Variants in ZNF235 observed in about 807,000 individuals in gnomAD.
ZNF235 encodes zfp-93.
In ZNF235, 25 loss-of-function variants were observed where a neutral mutation model predicts 29.4. The observed-to-expected ratio is 0.85, with a 90% CI of 0.62 to 1.19. ZNF235 has a LOEUF of 1.19. ZNF235 is among the 50% of genes most tolerant of loss of function. The probability of loss-of-function intolerance (pLI) is 0.00; values close to 1 mark genes in which losing one functional copy is unlikely to be tolerated. For synonymous variants in ZNF235, 300 were observed against 295.3 expected, an observed-to-expected ratio of 1.02 and a Z score of -0.16; for missense variants, 788 against 885.0, an observed-to-expected ratio of 0.89 and a Z score of 1.39.
At chr19:44,291,220 G>A (rs1395429291) in intron 4 of ZNF235, among the ~76,000 whole-genome samples, 1 of 152,122 alleles carries the variant, frequency 6.6e-6, no homozygotes, top group Non-Finnish European at 1.5e-5. Context: ...AACCACAACT[G>A]ATTTAAATCA....
chr19:44,304,974 C>G lies in ZNF235; in HGVS notation c.-52G>C, dbSNP rs1599896488. Reference sequence around the variant, plus strand: ...TGGAGACCCGGAGCTGACTCACCTCCCTGGGAGATATCTCAGATCCGACCT... The same window carrying G: ...TGGAGACCCGGAGCTGACTCACCTCGCTGGGAGATATCTCAGATCCGACCT... On this transcript the variant is annotated 5_prime_UTR_variant, in exon 1 of 5. Transcript: ENST00000291182. 1 of 982,232 alleles carries G rather than the reference C, an allele frequency of 1.0e-6. No homozygotes were observed. Among genetic ancestry groups the G allele is most frequent in the Non-Finnish European group, 1.2e-6 (1 of 827,112 alleles). The allele number at this position is 982,232 out of a possible 1,614,324, so 60.8% of individuals were successfully genotyped here. A position where few individuals can be genotyped will look rare whatever the true frequency, so the allele number is the denominator to read the frequency against.
chr19:44,299,314 G>A (rs1484423027), intron 3 of ZNF235, among the ~76,000 whole-genome samples: 1 of 152,140 alleles, frequency 6.6e-6, no homozygotes, highest in Non-Finnish European at 1.5e-5. Context: ...ACGAAATAAG[G>A]AATCAGGAGG....
intron 4 of ZNF235, 39 bp downstream of exon 4, chr19:44,298,769 A>C: frequency 7.2e-7 from 1 of 1,396,732 alleles, no homozygotes; most frequent in Non-Finnish European, 1.0e-6. Context: ...AAGGAAAAAT[A>C]ACAGCTGTTA....
chr19:44,289,335 C>G, intron 4 of ZNF235, 139 bp from the exon 5 acceptor site: 16 of 746,246 alleles, frequency 2.1e-5, no homozygotes, highest in Non-Finnish European at 3.3e-5. Context: ...TTTATAGGAA[C>G]TCTGAAAAGC....
At chr19:44,292,040 G>A (rs1048339362) in intron 4 of ZNF235, among the ~76,000 whole-genome samples, 1 of 151,886 alleles carries the variant, frequency 6.6e-6, no homozygotes, top group African/African-American at 2.4e-5. Context: ...TGTATAAAAA[G>A]GATAAATCAA....
At position 44,287,841 on chromosome 19, in the gene ZNF235, C is replaced by T; in HGVS notation, c.1594G>A (p.Ala532Thr). 1.2e-6 allele frequency: 2 copies of T among 1,612,616 alleles called. No homozygotes were observed. The highest frequency in any genetic ancestry group is 2.2e-5 in the South Asian group (2 of 91,000). The change falls in exon 5 of 5, where the codon GCA becomes ACA. Residue 532 changes from alanine to threonine, a missense_variant. Ala to Thr is a moderately conservative substitution (Grantham distance 58). Coordinates refer to ENST00000291182, the MANE Select transcript of ZNF235 (RefSeq NM_004234.4). Reference protein sequence around the residue: ...KGFSQSSYFQAHQRVHTGEKP... With the variant: ...KGFSQSSYFQTHQRVHTGEKP... ...TCTCCAGTGTGGACTCTCTGATGTG[C>T]TTGAAAGTATGAACTCTGACTGAAG...
intron 1 of ZNF235, among the ~76,000 whole-genome samples, chr19:44,304,233 G>A (rs1256956264): frequency 6.6e-6 from 1 of 152,122 alleles, no homozygotes; most frequent in African/African-American, 2.4e-5. Context: ...AAGAAATGGT[G>A]TTACACTTAA....
intron 2 of ZNF235, among the ~76,000 whole-genome samples, chr19:44,301,715 C>A (rs1975739519): frequency 6.6e-6 from 1 of 152,200 alleles, no homozygotes; most frequent in Admixed American, 6.5e-5. Flanking sequence ...AAGTGATCCA[C>A]CTCAGCCCCA....
intron 4 of ZNF235, chr19:44,290,437 A>AGTTTT (rs139598332): frequency 0.011 from 1,744 of 152,548 alleles, 28 homozygotes; most frequent in African/African-American, 0.04. Flanking sequence ...CAAGGCCCAC[A>AGTTTT]GTTTTGTTTT....
chr19:44,287,654 G>C lies in ZNF235; in HGVS notation c.1781C>G (p.Thr594Ser). 1 of 1,614,104 alleles carries C rather than the reference G, an allele frequency of 6.2e-7. No homozygotes were observed. Among genetic ancestry groups the C allele is most frequent in the African/African-American group, 1.3e-5 (1 of 74,998 alleles). ...SNLQAHQSVHTGEKPFKCDAC... is the reference protein window; with the variant it reads ...SNLQAHQSVHSGEKPFKCDAC... ...ATCACACTTGAATGGTTTTTCCCCA[G>C]TGTGGACGCTCTGATGGGCTTGAAG... is the stretch of plus-strand genomic sequence containing the variant. Residue 594 changes from threonine (T) to serine (S), a missense_variant, in exon 5 of 5, where the codon ACT becomes AGT. Thr to Ser is a moderately conservative substitution (Grantham distance 58, BLOSUM62 1). Coordinates refer to ENST00000291182, the MANE Select transcript of ZNF235 (RefSeq NM_004234.4).
chr19:44,289,099 A>G lies in ZNF235; in HGVS notation c.336T>C (p.Ile112=), dbSNP rs1447087876. 6.2e-7 allele frequency: 1 copy of G among 1,614,012 alleles called. No homozygotes were observed. The highest frequency in any genetic ancestry group is 8.5e-7 in the Non-Finnish European group (1 of 1,180,002). Residue 112 remains isoleucine, a synonymous_variant, in exon 5 of 5, where the codon ATT becomes ATC. Transcript: ENST00000291182. The part of the protein sequence containing the change: ...ELSCWQIKRH[I]ASKLARSQDS... The stretch of plus-strand genomic sequence containing the variant: ...CTTGACTTCTGGCTAATTTGCTCGC[A>G]ATGTGTCTCTTGATTTGCCAGCATG...
chr19:44,287,323 G>C lies in ZNF235; in HGVS notation c.2112C>G (p.Val704=). ...ATATGTAAGGCCTCTCTCCAGTGTG[G>C]ACTCTCTGGTGTGTGTGAAAATGTG... ...QASHFHTHQR[V]HTGERPYICD... is the part of the protein sequence containing the mutation. The change falls in exon 5 of 5, where the codon GTC becomes GTG. Residue 704 remains valine (V), a synonymous_variant. Coordinates refer to ENST00000291182, the MANE Select transcript of ZNF235 (RefSeq NM_004234.4). 1 of 1,613,952 alleles carries C rather than the reference G, an allele frequency of 6.2e-7. No homozygotes were observed. Among genetic ancestry groups the C allele is most frequent in the Non-Finnish European group, 8.5e-7 (1 of 1,179,906 alleles).
At chr19:44,300,762 C>A (rs1361491087) in intron 2 of ZNF235, among the ~76,000 whole-genome samples, 2 of 150,412 alleles carry the variant, frequency 1.3e-5, no homozygotes, top group Non-Finnish European at 2.9e-5. Flanking sequence ...ATCACTTGAA[C>A]CCGGCAGGCG....
At chr19:44,295,446 A>AT (rs1355711452) in intron 4 of ZNF235, among the ~76,000 whole-genome samples, 1 of 116,282 alleles carries the variant, frequency 8.6e-6, no homozygotes, top group East Asian at 2.7e-4. Flanking sequence ...TGTAGATGAC[A>AT]TAAAAAAAAT....
chr19:44,293,095 G>A (rs1215548952), intron 4 of ZNF235, among the ~76,000 whole-genome samples: 2 of 152,002 alleles, frequency 1.3e-5, no homozygotes, highest in African/African-American at 4.8e-5. Flanking sequence ...AAAACAAAAG[G>A]TTGATACTTG....
intron 1 of ZNF235, 52 bp downstream of exon 1, chr19:44,304,919 C>T (rs929418338): frequency 1.0e-6 from 1 of 985,366 alleles, no homozygotes; most frequent in South Asian, 4.7e-5. Context: ...GCTGGCCCCA[C>T]GCCTAGGCAA....
In ZNF235 at chr19:44,287,378, T is replaced by C; in HGVS notation, c.2057A>G (p.Gln686Arg). Residue 686 changes from glutamine to arginine, a missense_variant, in exon 5 of 5, where the codon CAG becomes CGG. Physicochemically the swap from Gln to Arg is conservative, Grantham distance 43 (BLOSUM62 1). Coordinates refer to ENST00000291182, the MANE Select transcript of ZNF235 (RefSeq NM_004234.4). ...VHTGEKPYTC[Q>R]QCGKGFSQAS... ...CTGACTGAAGCCCTTCCCACACTGC[T>C]GACACGTATAGGGTTTCTCTCCTGT... 1.2e-6 allele frequency: 2 copies of C among 1,614,140 alleles called. No individual in the cohort carries two copies. The highest frequency in any genetic ancestry group is 8.5e-7 in the Non-Finnish European group (1 of 1,180,012).
intron 1 of ZNF235, 91 bp from the exon 2 acceptor site, chr19:44,303,543 G>A: frequency 8.5e-7 from 1 of 1,177,316 alleles, no homozygotes. Flanking sequence ...AGGTCCCCCT[G>A]TCTCTAGGCA....
chr19:44,297,706 G>A (rs1464812360), intron 4 of ZNF235, among the ~76,000 whole-genome samples: 4 of 151,956 alleles, frequency 2.6e-5, no homozygotes, highest in East Asian at 2.0e-4. Flanking sequence ...CAGGTGATCC[G>A]CCCACCTTGT....
Sources: gnomAD v4.1 joint callset for allele counts (sites outside exome capture counted in the v4.1 genomes callset) on GRCh38, gnomAD v4.1.1 for gene constraint, MANE v1.5 for transcripts, NCBI Gene and HGNC (gene_info 2026-07-23, HGNC 2026-07-21) for gene names.